The following CFHR5 variants were observed in gnomAD, a reference collection of about 807,000 sequenced individuals.
CFHR5 encodes the protein complement factor H-related protein 5.
Under a neutral mutation model 62.9 loss-of-function variants are expected in CFHR5, and 73 were observed. The ratio of observed to expected loss-of-function variants is 1.16; its 90% CI spans 0.96 to 1.41. The LOEUF is 1.41. Among genes scored for constraint, CFHR5 ranks in the 40% most tolerant of loss-of-function variants. The pLI is 0.00. For missense variants in CFHR5, 779 were observed against 679.9 expected (o/e 1.15, Z -1.62); for synonymous variants, 249 against 227.2 (o/e 1.10, Z -0.86).
At chr1:196,981,125 G>A (rs1434500943) in intron 1 of CFHR5, among the ~76,000 whole-genome samples, 3 of 152,086 alleles carry the variant, frequency 2.0e-5, no homozygotes, top group Non-Finnish European at 4.4e-5. Context: ...TTAAAAAAGA[G>A]AAATTTCCCT....
rs1356772381 is a variant in CFHR5 at position 196,995,773 on chromosome 1, A to G, written c.664A>G (p.Ile222Val). ...ACTCTCCAATGGTGAAGTTAAGGAG[A>G]TAAGAAAAGAGGAATATGGACACAA... Reference protein sequence around the residue: ...PQLSNGEVKEIRKEEYGHNEV... With the variant: ...PQLSNGEVKEVRKEEYGHNEV... The change falls in exon 5 of 10, where the codon ATA (isoleucine) becomes GTA (valine). Residue 222 changes from isoleucine (I) to valine (V), a missense_variant. Transcript: ENST00000256785. 3.1e-6 allele frequency: 5 copies of G among 1,613,188 alleles called. No homozygotes were observed. Among genetic ancestry groups the G allele is most frequent in the East Asian group, 2.2e-5 (1 of 44,846 alleles).
chr1:196,996,962 A>C, intron 6 of CFHR5, among the ~76,000 whole-genome samples: 1 of 152,002 alleles, frequency 6.6e-6, no homozygotes, highest in East Asian at 1.9e-4. Flanking sequence ...TTGACACTTA[A>C]GTACTTGCAG....
chr1:196,995,071 G>A (rs1653953559), intron 4 of CFHR5, among the ~76,000 whole-genome samples: 2 of 152,104 alleles, frequency 1.3e-5, no homozygotes, highest in East Asian at 1.9e-4. Flanking sequence ...CCATATCAAA[G>A]TATTTATAGA....
At chr1:197,007,314 A>G (rs1654314914) in intron 9 of CFHR5, among the ~76,000 whole-genome samples, 1 of 152,098 alleles carries the variant, frequency 6.6e-6, no homozygotes, top group South Asian at 2.1e-4. Context: ...AAATTTCTCG[A>G]TTTATGGAGA....
intron 1 of CFHR5, 29 bp downstream of exon 1, chr1:196,977,751 A>G: frequency 6.5e-7 from 1 of 1,539,150 alleles, no homozygotes; most frequent in Non-Finnish European, 9.0e-7. Flanking sequence ...CGAATATTTT[A>G]GTTCCTTTTC....
rs1275917345 is a variant in CFHR5, at chr1:196,998,128, C to A, written c.971C>A (p.Ala324Glu). 5 of 1,514,286 alleles carry A rather than the reference C, an allele frequency of 3.3e-6. No individual in the cohort carries two copies. The African/African-American group carries it at 4.2e-5, about 13-fold the overall frequency. The allele number at this position is 1,514,286 out of a possible 1,614,324, so 93.8% of individuals were successfully genotyped here. Residue 324 changes from alanine (A) to glutamate (E), a missense_variant and splice_region_variant, in exon 7 of 10, where the codon GCA becomes GAA. Physicochemically the swap from Ala to Glu is moderately radical, Grantham distance 107 (BLOSUM62 -1). Transcript: ENST00000256785. ...GIWTELPMCV[A>E]THQLKRCKIA... ...TTCTATTTAATATTATTTTTTATAG[C>A]AACACACCAACTTAAGAGGTGCAAA...
In CFHR5 at chr1:197,002,422, T is replaced by TA. The variant is rs1329901467; in HGVS notation, c.1148-59dup. 1.2e-5 allele frequency: 15 copies of TA among 1,267,310 alleles called. No individual in the cohort carries two copies. The African/African-American group carries it at 2.3e-4, about 19-fold the overall frequency. 78.5% of individuals were successfully genotyped at this position (1,267,310 alleles called of 1,614,324 possible). ...CTTCCATTTTCCTGAAACACTACCCTATTGAGCTGTTTTTACTTAACTTTT... is the reference window on the plus strand; with the variant it reads ...CTTCCATTTTCCTGAAACACTACCCTAATTGAGCTGTTTTTACTTAACTTTT... On this transcript the variant is annotated intron_variant, in intron 7 of 9. Transcript: ENST00000256785.
chr1:196,975,341 T>C (rs1029154564), upstream of CFHR5, among the ~76,000 whole-genome samples: 7 of 152,216 alleles, frequency 4.6e-5, no homozygotes, highest in African/African-American at 1.4e-4. Flanking sequence ...TTGGGTTCTA[T>C]GAACAATTTT....
Position 196,994,511 on chromosome 1 carries a change from G to A in CFHR5, c.607+255G>A, listed in dbSNP as rs148959084. Among the ~76,000 whole-genome samples, 438 of 152,122 alleles carry A rather than the reference G, an allele frequency of 2.9e-3. 3 individuals carry two copies. Among genetic ancestry groups the A allele is most frequent in the African/African-American group, 7.5e-3 (311 of 41,482 alleles). Reference sequence around the variant, plus strand: ...AAAATATAGTAGCTGGAATTGAGACGTCTTAGGATTTTTCCATCTAGCTCA... The same window carrying A: ...AAAATATAGTAGCTGGAATTGAGACATCTTAGGATTTTTCCATCTAGCTCA... On this transcript the variant is annotated intron_variant, in intron 4 of 9. Transcript: ENST00000256785.
At chr1:196,992,868 C>T (rs1419088220) in intron 3 of CFHR5, among the ~76,000 whole-genome samples, 1 of 152,118 alleles carries the variant, frequency 6.6e-6, no homozygotes, top group Non-Finnish European at 1.5e-5. Context: ...GTGCCAATAA[C>T]AGTATATAAA....
At chr1:197,000,708 G>C (rs1571526346) in intron 7 of CFHR5, among the ~76,000 whole-genome samples, 1 of 152,234 alleles carries the variant, frequency 6.6e-6, no homozygotes, top group East Asian at 1.9e-4. Context: ...CACAGGCCTT[G>C]AGGCTCATTC....
At chr1:196,978,791 T>G (rs576943509) in intron 1 of CFHR5, among the ~76,000 whole-genome samples, 4 of 152,298 alleles carry the variant, frequency 2.6e-5, no homozygotes, top group Admixed American at 6.5e-5. Context: ...CTTAAACATC[T>G]GTTACAAATG....
chr1:196,987,852 C>A (rs1331431539), intron 3 of CFHR5, among the ~76,000 whole-genome samples: 9 of 152,000 alleles, frequency 5.9e-5, no homozygotes. Flanking sequence ...GGCAATGCAG[C>A]CCCTTTTTTG....
At chr1:196,986,287 A>G (rs1403013873) in intron 3 of CFHR5, among the ~76,000 whole-genome samples, 4 of 152,106 alleles carry the variant, frequency 2.6e-5, no homozygotes, top group Non-Finnish European at 4.4e-5. Flanking sequence ...GGGGGCCGTT[A>G]TTCCATTTAC....
At chr1:196,976,799 C>CTTTTTTTTTTTTTTTTTTTTTTTTT (rs10588279), upstream of CFHR5, among the ~76,000 whole-genome samples, 2 of 98,156 alleles carry the variant, frequency 2.0e-5, no homozygotes, top group African/African-American at 9.4e-5. Context: ...AAAAATTATT[C>CTTTTTTTTTTTTTTTTTTTTTTTTT]TTTTTTTTTT....
At chr1:196,987,838 T>A (rs1025623216) in intron 3 of CFHR5, among the ~76,000 whole-genome samples, 27 of 152,162 alleles carry the variant, frequency 1.8e-4, no homozygotes, top group African/African-American at 6.3e-4. Flanking sequence ...CTTAGGATTG[T>A]CTTGGCAATG....
At chr1:196,996,600 G>A (rs1374386277) in intron 6 of CFHR5, among the ~76,000 whole-genome samples, 1 of 152,110 alleles carries the variant, frequency 6.6e-6, no homozygotes, top group Non-Finnish European at 1.5e-5. Context: ...TACAAATGAT[G>A]GCGATTTAAT....
chr1:196,986,779 T>C (rs995686961), intron 3 of CFHR5, among the ~76,000 whole-genome samples: 1 of 152,156 alleles, frequency 6.6e-6, no homozygotes, highest in Non-Finnish European at 1.5e-5. Flanking sequence ...TTACGGACAT[T>C]TGGGCTAGTT....
chr1:196,995,680 G>T, intron 4 of CFHR5, 37 bp from the exon 5 acceptor site: 1 of 1,552,012 alleles, frequency 6.4e-7, no homozygotes, highest in South Asian at 1.1e-5. Flanking sequence ...ATACTTATAA[G>T]ACCATTTAAG....
Sources: allele counts gnomAD v4.1 joint callset (sites outside exome capture counted in the v4.1 genomes callset), GRCh38; gene constraint gnomAD v4.1.1; transcripts MANE v1.5; gene names NCBI Gene and HGNC (gene_info 2026-07-23, HGNC 2026-07-21).